Variants in NAF1 observed in about 807,000 individuals in gnomAD.
NAF1 encodes the protein H/ACA ribonucleoprotein complex non-core subunit NAF1.
Under a neutral mutation model 40.6 loss-of-function variants are expected in NAF1, and 11 were observed. That is an observed-to-expected ratio of 0.27 (90% CI 0.17 to 0.45). The LOEUF (loss-of-function observed/expected upper bound fraction) is 0.45. NAF1 is among the 20% of genes least tolerant of loss of function. The pLI is 1.00. For missense variants in NAF1, 607 were observed against 611.1 expected (o/e 0.99, Z 0.07); for synonymous variants, 260 against 228.5 (o/e 1.14, Z -1.24).
rs200790708 is a variant in NAF1, at chr4:163,148,382, A to C, written c.593T>G (p.Leu198Ter). The C allele has an allele frequency of 6.3e-7, 1 of 1,582,208 alleles. No homozygotes were observed. The highest frequency in any genetic ancestry group is 2.0e-5 in the Admixed American group (1 of 51,086). The part of the protein sequence containing the change: ...LTIILPEDIE[L>*]KPLGMVSSII... ...ACTTGAAACCATCCCAAGAGGCTTTAACTCAATATCTTCAGGCAGAATAAT... is the reference window on the plus strand; with the variant it reads ...ACTTGAAACCATCCCAAGAGGCTTTCACTCAATATCTTCAGGCAGAATAAT... Residue 198 changes from leucine to a stop codon, truncating the protein, a stop_gained, in exon 3 of 8, where the codon TTA becomes TGA. Coordinates refer to ENST00000274054, the MANE Select transcript of NAF1 (RefSeq NM_138386.3). LOFTEE classifies it high-confidence loss of function.
intron 4 of NAF1, among the ~76,000 whole-genome samples, 181 bp downstream of exon 4, chr4:163,145,601 A>G (rs765991517): frequency 3.3e-5 from 5 of 152,226 alleles, no homozygotes; most frequent in African/African-American, 4.8e-5. Context: ...AATAATCAGT[A>G]TTAAACCAAT....
In NAF1 at chr4:163,117,383, T is replaced by G. The variant is rs1182762839; in HGVS notation, c.115-7093A>C. On this transcript the variant is annotated intron_variant, in intron 2 of 2. Transcript: ENST00000509434. Reference sequence around the variant, plus strand: ...ACCAATAATAAGCACAAAACAAATGTTCATTGAATAAATGAATATATTAAA... The same window carrying G: ...ACCAATAATAAGCACAAAACAAATGGTCATTGAATAAATGAATATATTAAA... 3 of 152,180 alleles carry G rather than the reference T, an allele frequency of 2.0e-5. 1 individual carries two copies. Among genetic ancestry groups the G allele is most frequent in the South Asian group, 4.1e-4 (2 of 4,834 alleles). The allele number at this position is 152,180 out of a possible 1,614,324, so 9.4% of individuals were successfully genotyped here. A position where few individuals can be genotyped will look rare whatever the true frequency, so the allele number is the denominator to read the frequency against.
intron 2 of NAF1, among the ~76,000 whole-genome samples, chr4:163,159,865 T>C (rs1269708680): frequency 6.6e-6 from 1 of 152,214 alleles, no homozygotes; most frequent in African/African-American, 2.4e-5. Context: ...TCCATAAACA[T>C]TGTGCTAATA....
At chr4:163,150,731 T>C (rs1315624040) in intron 2 of NAF1, among the ~76,000 whole-genome samples, 2 of 152,100 alleles carry the variant, frequency 1.3e-5, no homozygotes, top group Non-Finnish European at 2.9e-5. Context: ...CTACACACAA[T>C]GATACAACAT....
At chr4:163,162,855 C>T (rs772837499) in intron 2 of NAF1, among the ~76,000 whole-genome samples, 2 of 151,732 alleles carry the variant, frequency 1.3e-5, no homozygotes, top group Non-Finnish European at 2.9e-5. Context: ...ACTCAGTCCT[C>T]AAAGAACTTG....
downstream of NAF1, among the ~76,000 whole-genome samples, chr4:163,125,561 AGGGAAACTGCAGT>A (rs879893831): frequency 1.1e-4 from 16 of 152,186 alleles, no homozygotes; most frequent in South Asian, 2.1e-4. Flanking sequence ...GAAACCGCAG[AGGGAAACTGCAGT>A]GGGAAACTGC....
At chr4:163,148,491 AAAAT>A in intron 2 of NAF1, 57 bp from the exon 3 acceptor site, 4 of 1,244,894 alleles carry the variant, frequency 3.2e-6, no homozygotes, top group Non-Finnish European at 4.5e-6. Context: ...CAACTTAAAA[AAAAT>A]AAATTTTCCA....
At position 163,157,676 on chromosome 4, in the gene NAF1, T is replaced by C. The variant is rs1429750402; in HGVS notation, c.540+6541A>G. 2.6e-5 allele frequency among the ~76,000 whole-genome samples: 4 copies of C among 152,212 alleles called. No individual in the cohort carries two copies. The East Asian group carries it at 7.7e-4, about 29-fold the overall frequency. On this transcript the variant is annotated intron_variant, in intron 2 of 7. Transcript: ENST00000274054. ...CCTAACCACACTTCTGGAATATCCATGAAAGAGCAATTATTGTCTGTTTTG... is the reference window on the plus strand; with the variant it reads ...CCTAACCACACTTCTGGAATATCCACGAAAGAGCAATTATTGTCTGTTTTG...
chr4:163,165,550 C>T (rs900018590), intron 1 of NAF1, among the ~76,000 whole-genome samples: 2 of 152,182 alleles, frequency 1.3e-5, no homozygotes, highest in African/African-American at 4.8e-5. Context: ...CATACCCTCT[C>T]CTTCTACTCA....
chr4:163,163,270 A>G (rs1732299638), intron 2 of NAF1, among the ~76,000 whole-genome samples: 1 of 152,198 alleles, frequency 6.6e-6, no homozygotes, highest in South Asian at 2.1e-4. Flanking sequence ...GTTATAAAGC[A>G]TAAGCGAGAC....
intron 4 of NAF1, among the ~76,000 whole-genome samples, chr4:163,144,719 T>C (rs936252724): frequency 6.6e-6 from 1 of 152,222 alleles, no homozygotes; most frequent in African/African-American, 2.4e-5. Context: ...TTATGCCATA[T>C]AACTAAAGTT....
intron 5 of NAF1, among the ~76,000 whole-genome samples, chr4:163,137,655 T>C (rs1014468971): frequency 6.6e-6 from 1 of 152,170 alleles, no homozygotes; most frequent in African/African-American, 2.4e-5. Flanking sequence ...CATTCCCTTT[T>C]CACAGATTTT....
At chr4:163,166,083 A>C (rs1311886953) in intron 1 of NAF1, among the ~76,000 whole-genome samples, 1 of 152,198 alleles carries the variant, frequency 6.6e-6, no homozygotes. Context: ...GGTTTTCTAA[A>C]GTCTAACAAA....
At chr4:163,154,691 T>C (rs1731897478) in intron 2 of NAF1, among the ~76,000 whole-genome samples, 1 of 151,968 alleles carries the variant, frequency 6.6e-6, no homozygotes, top group Admixed American at 6.5e-5. Flanking sequence ...GCCAACATGA[T>C]GAAATCCCAT....
At chr4:163,125,976 T>C (rs1406404054), downstream of NAF1, among the ~76,000 whole-genome samples, 1 of 151,564 alleles carries the variant, frequency 6.6e-6, no homozygotes, top group African/African-American at 2.4e-5. Context: ...TATGCCTGGA[T>C]GACAGCACAT....
intron 6 of NAF1, chr4:163,136,375 T>G (rs2110911833): frequency 6.7e-6 from 1 of 150,334 alleles, no homozygotes; most frequent in South Asian, 2.1e-4. Context: ...CTGAGAAAAC[T>G]TCATAAGAAC....
At chr4:163,107,574 T>A (rs907255707), downstream of NAF1, among the ~76,000 whole-genome samples, 1 of 152,158 alleles carries the variant, frequency 6.6e-6, no homozygotes, top group Non-Finnish European at 1.5e-5. Context: ...CTAAGCACAG[T>A]CTGTAAAGAA....
rs530868793 is a variant in NAF1, at chr4:163,166,517, G to C, written c.211C>G (p.Leu71Val). The C allele has an allele frequency of 6.3e-7, 1 of 1,599,828 alleles. No individual in the cohort carries two copies. Among genetic ancestry groups the C allele is most frequent in the African/African-American group, 1.3e-5 (1 of 74,674 alleles). Reference protein sequence around the residue: ...PAGEQPLQPVLNAVAAGTPAP... With the variant: ...PAGEQPLQPVVNAVAAGTPAP... The stretch of plus-strand genomic sequence containing the variant: ...GGGGTCCCGGCCGCGACGGCGTTCA[G>C]AACGGGCTGCAGAGGCTGCTCCCCG... Residue 71 changes from leucine to valine, a missense_variant, in exon 1 of 8, where the codon CTG becomes GTG. Leu to Val is a conservative substitution (Grantham distance 32). Coordinates refer to ENST00000274054, the MANE Select transcript of NAF1 (RefSeq NM_138386.3).
At chr4:163,146,434 CT>C (rs1560796608) in intron 3 of NAF1, among the ~76,000 whole-genome samples, 1 of 152,152 alleles carries the variant, frequency 6.6e-6, no homozygotes, top group Non-Finnish European at 1.5e-5. Context: ...ATCTCCAGTT[CT>C]TTTAAATGAC....
Sources: gnomAD v4.1 joint callset for allele counts (sites outside exome capture counted in the v4.1 genomes callset) on GRCh38, gnomAD v4.1.1 for gene constraint, MANE v1.5 for transcripts, NCBI Gene and HGNC (gene_info 2026-07-23, HGNC 2026-07-21) for gene names.